CCDC148: variants seen among roughly 807,000 people sequenced by gnomAD.
CCDC148 encodes the protein coiled-coil domain containing 148, also known as coiled-coil domain-containing protein 148.
Under a neutral mutation model 85.7 loss-of-function variants are expected in CCDC148, and 89 were observed. That is an observed-to-expected ratio of 1.04 (90% confidence interval 0.87 to 1.24). CCDC148 has a LOEUF of 1.24. CCDC148 is among the 50% of genes most tolerant of loss of function. The pLI, the probability that CCDC148 is intolerant of heterozygous loss-of-function variation, is 0.00. For missense variants in CCDC148, 692 were observed against 671.7 expected, an observed-to-expected ratio of 1.03 and a Z score of -0.33; for synonymous variants, 230 against 213.9, an observed-to-expected ratio of 1.08 and a Z score of -0.66.
intron 2 of CCDC148, among the ~76,000 whole-genome samples, chr2:158,350,036 T>C (rs974192181): frequency 3.9e-5 from 6 of 152,142 alleles, no homozygotes; most frequent in African/African-American, 1.4e-4. Flanking sequence ...CTAGAAAAGC[T>C]TCTTCCTGAA....
intron 7 of CCDC148, among the ~76,000 whole-genome samples, chr2:158,315,119 A>G (rs1347178561): frequency 6.6e-6 from 1 of 152,254 alleles, no homozygotes; most frequent in African/African-American, 2.4e-5. Flanking sequence ...TGACATAATA[A>G]TTTATTGCAG....
In CCDC148 at chr2:158,445,464, A is replaced by G. The variant is rs545256232; in HGVS notation, c.25+10951T>C. On this transcript the variant is annotated intron_variant, in intron 1 of 13. Coordinates refer to ENST00000283233, the MANE Select transcript of CCDC148 (RefSeq NM_138803.4). ...CTGTCTCTGATAATCACCGTGTCTGAGATTCAAATTTATTGGAGCTAAATG... is the reference window on the plus strand; with the variant it reads ...CTGTCTCTGATAATCACCGTGTCTGGGATTCAAATTTATTGGAGCTAAATG... Among the ~76,000 whole-genome samples the G allele has an allele frequency of 3.8e-4, 58 of 152,356 alleles. 1 individual carries two copies. The highest frequency in any genetic ancestry group is 3.4e-3 in the Middle Eastern group (1 of 294).
chr2:158,316,844 C>T (rs1437092087), intron 7 of CCDC148, among the ~76,000 whole-genome samples: 1 of 152,140 alleles, frequency 6.6e-6, no homozygotes, highest in African/African-American at 2.4e-5. Context: ...GTAGTCTCAT[C>T]ACAATAACAA....
chr2:158,408,746 A>G (rs1440298009), intron 1 of CCDC148, among the ~76,000 whole-genome samples: 1 of 152,072 alleles, frequency 6.6e-6, no homozygotes, highest in African/African-American at 2.4e-5. Flanking sequence ...CTTTGAATAC[A>G]TATATTTTTT....
At chr2:158,401,608 G>A (rs1685787459) in intron 1 of CCDC148, among the ~76,000 whole-genome samples, 1 of 151,942 alleles carries the variant, frequency 6.6e-6, no homozygotes, top group Non-Finnish European at 1.5e-5. Flanking sequence ...GAGTTGATGG[G>A]TGCAGCAAAC....
chr2:158,401,618 C>A (rs1279651317), intron 1 of CCDC148, among the ~76,000 whole-genome samples: 1 of 151,920 alleles, frequency 6.6e-6, no homozygotes, highest in East Asian at 1.9e-4. Flanking sequence ...GTGCAGCAAA[C>A]CACCATGGCA....
At chr2:158,378,306 T>G (rs1359969662) in intron 1 of CCDC148, among the ~76,000 whole-genome samples, 3 of 152,126 alleles carry the variant, frequency 2.0e-5, no homozygotes, top group African/African-American at 7.2e-5. Flanking sequence ...CCTAACTCTC[T>G]TTGATTCTAG....
intron 1 of CCDC148, among the ~76,000 whole-genome samples, chr2:158,416,897 A>T (rs1686524139): frequency 6.6e-6 from 1 of 152,354 alleles, no homozygotes; most frequent in East Asian, 1.9e-4. Context: ...AAGAGGTTTA[A>T]TTGGCTCATG....
chr2:158,406,613 CTTTTTTTTTTTTTTT>C (rs61612452), intron 1 of CCDC148, among the ~76,000 whole-genome samples: 1 of 31,454 alleles, frequency 3.2e-5, no homozygotes, highest in Non-Finnish European at 6.5e-5. Context: ...GATTAAATTT[CTTTTTTTTTTTTTTT>C]TTTTTTTTTT....
rs112589302 is a variant in CCDC148 at position 158,313,057 on chromosome 2, A to T, written c.903+699T>A. ...ATGCTATAGCATGGCTCACTTAAAA[A>T]TTAAAAGTCTGTGTGTTTGTTTACG... On this transcript the variant is annotated intron_variant, in intron 8 of 13. Transcript: ENST00000283233. 2.5e-3 allele frequency among the ~76,000 whole-genome samples: 377 copies of T among 152,350 alleles called. 1 individual carries two copies. The highest frequency in any genetic ancestry group is 8.7e-3 in the African/African-American group (360 of 41,586).
chr2:158,348,843 G>C (rs1487411463), intron 2 of CCDC148, among the ~76,000 whole-genome samples: 1 of 151,984 alleles, frequency 6.6e-6, no homozygotes, highest in Non-Finnish European at 1.5e-5. Context: ...AATTAATAGA[G>C]GCTTGAGCTG....
intron 1 of CCDC148, among the ~76,000 whole-genome samples, chr2:158,434,886 G>A (rs184846516): frequency 6.6e-6 from 1 of 152,192 alleles, no homozygotes; most frequent in Non-Finnish European, 1.5e-5. Context: ...AGTGATTGAA[G>A]ATCAAATGAA....
chr2:158,414,822 C>A (rs1218972306), intron 1 of CCDC148, among the ~76,000 whole-genome samples: 41 of 152,152 alleles, frequency 2.7e-4, no homozygotes, highest in Admixed American at 2.7e-3. Flanking sequence ...TGGTTTCCAT[C>A]ATCCATGATC....
At chr2:158,276,780 T>A (rs1029090666) in intron 9 of CCDC148, among the ~76,000 whole-genome samples, 1 of 152,248 alleles carries the variant, frequency 6.6e-6, no homozygotes, top group Non-Finnish European at 1.5e-5. Flanking sequence ...CAGATAATTA[T>A]GGTGCTGAAA....
rs773979843 is a variant in CCDC148 at position 158,338,771 on chromosome 2, T to G, written c.719A>C (p.Gln240Pro). ...CAGATTAAAGTCTTGAAGCTTCTTC[T>G]GATATTTCTGTGTAAACTTATAGAA... Reference protein sequence around the residue: ...SEFYKFTQKYQKKLQDFNLQL... With the variant: ...SEFYKFTQKYPKKLQDFNLQL... Residue 240 changes from glutamine (Q) to proline (P), a missense_variant, in exon 7 of 14, where the codon CAG becomes CCG. Transcript: ENST00000283233. 2 of 1,610,436 alleles carry G rather than the reference T, an allele frequency of 1.2e-6. No individual in the cohort carries two copies. The highest frequency in any genetic ancestry group is 2.2e-5 in the South Asian group (2 of 90,176).
chr2:158,189,579 T>C (rs935300000), intron 11 of CCDC148, among the ~76,000 whole-genome samples: 1 of 151,968 alleles, frequency 6.6e-6, no homozygotes, highest in African/African-American at 2.4e-5. Context: ...AGAATATTTA[T>C]GATAATATGG....
intron 13 of CCDC148, among the ~76,000 whole-genome samples, chr2:158,173,428 A>G (rs567155276): frequency 6.6e-6 from 1 of 152,204 alleles, no homozygotes; most frequent in South Asian, 2.1e-4. Context: ...TAAAAATAAT[A>G]TAATCATTGT....
chr2:158,349,150 C>A (rs184700079), intron 2 of CCDC148, among the ~76,000 whole-genome samples: 1 of 152,104 alleles, frequency 6.6e-6, no homozygotes, highest in African/African-American at 2.4e-5. Flanking sequence ...TAGTACAAAT[C>A]AGACAGGTAG....
intron 1 of CCDC148, among the ~76,000 whole-genome samples, chr2:158,422,867 G>T (rs1272072033): frequency 2.0e-5 from 3 of 148,408 alleles, no homozygotes; most frequent in Non-Finnish European, 3.0e-5. Flanking sequence ...CCTTAAGCTA[G>T]TAAGCAACTT....
Sources: allele counts gnomAD v4.1 joint callset (sites outside exome capture counted in the v4.1 genomes callset), GRCh38; gene constraint gnomAD v4.1.1; transcripts MANE v1.5; gene names NCBI Gene and HGNC (gene_info 2026-07-23, HGNC 2026-07-21).